Variants in SEC16B observed in about 807,000 individuals in gnomAD.
The protein encoded by SEC16B is SEC16 homolog B, endoplasmic reticulum export factor.
SEC16B carries 115 observed loss-of-function variants against 141.8 expected under a neutral mutation model. The ratio of observed to expected loss-of-function variants is 0.81; its 90% CI spans 0.70 to 0.95. SEC16B has a LOEUF of 0.95. SEC16B is among the 40% of genes least tolerant of loss of function. The pLI is 0.00. For missense variants in SEC16B, 1,291 were observed against 1,312.3 expected (o/e 0.98, Z 0.25); for synonymous variants, 493 against 492.5 (o/e 1.00, Z -0.01).
At chr1:177,961,986 C>T (rs1557987619) in intron 5 of SEC16B, among the ~76,000 whole-genome samples, 1 of 152,146 alleles carries the variant, frequency 6.6e-6, no homozygotes, top group Admixed American at 6.5e-5. Context: ...CCCCTGGACA[C>T]GTGACTTAGG....
At chr1:177,975,357 T>C (rs1184627062) in intron 1 of SEC16B, among the ~76,000 whole-genome samples, 1 of 152,232 alleles carries the variant, frequency 6.6e-6, no homozygotes, top group Non-Finnish European at 1.5e-5. Context: ...CAACAGCTTA[T>C]ACTGTATGAC....
chr1:177,943,213 C>G (rs1268734725), intron 15 of SEC16B, among the ~76,000 whole-genome samples: 2 of 152,078 alleles, frequency 1.3e-5, no homozygotes, highest in Admixed American at 1.3e-4. Context: ...AAGAGCCGGT[C>G]GAGGAACTGC....
At chr1:177,947,105 T>C (rs1364953999) in intron 13 of SEC16B, among the ~76,000 whole-genome samples, 4 of 152,196 alleles carry the variant, frequency 2.6e-5, no homozygotes, top group African/African-American at 9.7e-5. Context: ...CTCAGGGTGC[T>C]GCATGGCCTC....
intron 24 of SEC16B, among the ~76,000 whole-genome samples, chr1:177,930,853 C>T (rs1650364229): frequency 6.6e-6 from 1 of 152,108 alleles, no homozygotes; most frequent in African/African-American, 2.4e-5. Context: ...CATCAATAAT[C>T]ATCAGGGAAA....
At chr1:177,953,792 G>A (rs1376520281) in intron 11 of SEC16B, among the ~76,000 whole-genome samples, 1 of 152,020 alleles carries the variant, frequency 6.6e-6, no homozygotes, top group Non-Finnish European at 1.5e-5. Context: ...GCAGACTTCT[G>A]GATCTCACTG....
chr1:177,937,329 C>T lies in SEC16B; in HGVS notation c.2388G>A (p.Arg796=), dbSNP rs200274747. ...GGGTCTCAGGAACTGAGTAAAAAGG[C>T]CTCGGTGTCCCTGTCTGCCCTGCAC... ...GGGAGQTGTP[R]PFYSVPETHL... Residue 796 remains arginine, a synonymous_variant, in exon 19 of 26, where the codon AGG becomes AGA. Transcript: ENST00000308284. The T allele has an allele frequency of 3.1e-5, 50 of 1,613,774 alleles. No homozygotes were observed. The Middle Eastern group carries it at 6.6e-4, about 21-fold the overall frequency.
chr1:177,942,143 A>G, intron 15 of SEC16B, 103 bp from the exon 16 acceptor site: 2 of 1,277,064 alleles, frequency 1.6e-6, no homozygotes, highest in South Asian at 3.2e-5. Context: ...GTTTCCGCTA[A>G]CTCTGGCATC....
At position 177,950,395 on chromosome 1, in the gene SEC16B, C is replaced by T. The variant is rs529212839; in HGVS notation, c.1545+1519G>A. On this transcript the variant is annotated intron_variant, in intron 12 of 25. Coordinates refer to ENST00000308284, the MANE Select transcript of SEC16B (RefSeq NM_033127.4). ...GAAAACTGGGTCCTGCAGAAAATGT[C>T]GGATGGCCTGGAATATGGCCTGGCC... Among the ~76,000 whole-genome samples, 5 of 152,236 alleles carry T rather than the reference C, an allele frequency of 3.3e-5. No homozygotes were observed. In the South Asian group the frequency reaches 1.0e-3, roughly 32 times the overall value.
intron 20 of SEC16B, among the ~76,000 whole-genome samples, chr1:177,934,453 C>A (rs866828993): frequency 6.6e-6 from 1 of 152,134 alleles, no homozygotes; most frequent in Admixed American, 6.5e-5. Context: ...TTGATACAAA[C>A]CTTTGGAAAT....
intron 1 of SEC16B, among the ~76,000 whole-genome samples, chr1:177,981,881 T>C (rs1215118983): frequency 6.6e-6 from 1 of 152,206 alleles, no homozygotes; most frequent in African/African-American, 2.4e-5. Flanking sequence ...TTTGCTTCTT[T>C]CCTGAAGATT....
chr1:177,946,594 G>A, intron 13 of SEC16B, 63 bp from the exon 14 acceptor site: 1 of 1,294,256 alleles, frequency 7.7e-7, no homozygotes. Flanking sequence ...CCATCATCTG[G>A]GTGGGATGGG....
intron 9 of SEC16B, 95 bp downstream of exon 9, chr1:177,958,745 T>C (rs1180474466): frequency 6.9e-7 from 1 of 1,450,346 alleles, no homozygotes; most frequent in Non-Finnish European, 9.2e-7. Flanking sequence ...TCTTTAATAT[T>C]GCTTTTCATA....
intron 1 of SEC16B, among the ~76,000 whole-genome samples, chr1:177,969,265 G>A (rs1466647802): frequency 6.6e-6 from 1 of 152,196 alleles, no homozygotes; most frequent in African/African-American, 2.4e-5. Context: ...ACACCAGGGA[G>A]CCGAGGTCGA....
chr1:177,930,449 A>C (rs776628799), intron 25 of SEC16B, 96 bp downstream of exon 25: 25 of 780,838 alleles, frequency 3.2e-5, no homozygotes, highest in Non-Finnish European at 5.3e-5. Context: ...TCAAGAACTC[A>C]CATATCATAA....
At chr1:177,975,223 G>T (rs77291888) in intron 1 of SEC16B, among the ~76,000 whole-genome samples, 7,055 of 152,288 alleles carry the variant, frequency 0.046, 214 homozygotes, top group African/African-American at 0.06. Flanking sequence ...AGCTCCATGG[G>T]GATGTCAGCC....
At chr1:177,975,174 T>G (rs568756047), upstream of SEC16B, among the ~76,000 whole-genome samples, 1 of 152,332 alleles carries the variant, frequency 6.6e-6, no homozygotes, top group South Asian at 2.1e-4. Context: ...ACAAGTGGGC[T>G]GGAAATGCAG....
chr1:177,963,050 G>A (rs931673374), intron 5 of SEC16B, among the ~76,000 whole-genome samples: 1 of 151,942 alleles, frequency 6.6e-6, no homozygotes, highest in African/African-American at 2.4e-5. Flanking sequence ...GGAGGTTGCA[G>A]TGAGCCGAGA....
At chr1:177,961,834 G>A (rs1367827913) in intron 5 of SEC16B, 100 bp from the exon 6 acceptor site, 1 of 1,085,462 alleles carries the variant, frequency 9.2e-7, no homozygotes, top group Non-Finnish European at 1.3e-6. Flanking sequence ...GAAAGTGGAT[G>A]TGTTGAAAGG....
intron 7 of SEC16B, 79 bp from the exon 8 acceptor site, chr1:177,960,482 C>A: frequency 9.9e-7 from 1 of 1,013,710 alleles, no homozygotes; most frequent in Non-Finnish European, 1.5e-6. Flanking sequence ...GTGTCAGACC[C>A]CAAGGCCGTG....
Sources: gnomAD v4.1 joint callset for allele counts (sites outside exome capture counted in the v4.1 genomes callset) on GRCh38, gnomAD v4.1.1 for gene constraint, MANE v1.5 for transcripts, NCBI Gene and HGNC (gene_info 2026-07-23, HGNC 2026-07-21) for gene names.